SASH1: variants seen among roughly 807,000 people sequenced by gnomAD.
The protein encoded by SASH1 is SAM and SH3 domain containing 1.
Under a neutral mutation model 125.2 loss-of-function variants are expected in SASH1, and 44 were observed. The observed-to-expected ratio is 0.35, with a 90% CI of 0.28 to 0.45. The LOEUF (loss-of-function observed/expected upper bound fraction) is 0.45. Among genes scored for constraint, SASH1 ranks in the 20% least tolerant of loss-of-function variants. The probability of loss-of-function intolerance (pLI) is 1.00; values close to 1 mark genes in which losing one functional copy is unlikely to be tolerated. For synonymous variants in SASH1, 639 were observed against 649.1 expected (o/e 0.98, Z 0.24); for missense variants, 1,426 against 1,614.5 (o/e 0.88, Z 2.00).
At chr6:148,220,648 C>T in the SASH1 span, among the ~76,000 whole-genome samples, 2 of 152,212 alleles carry the variant, frequency 1.3e-5, no homozygotes, top group Admixed American at 6.5e-5. Context: ...GACATGGTGG[C>T]TCATGCCTGT....
chr6:148,470,061 GA>G (rs375176844), intron 5 of SASH1, among the ~76,000 whole-genome samples: 5 of 151,342 alleles, frequency 3.3e-5, no homozygotes, highest in African/African-American at 1.2e-4. Flanking sequence ...AGAAAGAAAA[GA>G]AAAAAGAAAG....
intron 1 of SASH1, among the ~76,000 whole-genome samples, chr6:148,369,675 C>T (rs972893520): frequency 3.9e-5 from 6 of 152,074 alleles, no homozygotes; most frequent in East Asian, 1.9e-4. Context: ...CCAACCTGGC[C>T]GGACGTGGTG....
chr6:148,469,155 A>G (rs1455633947), intron 5 of SASH1: 1 of 152,346 alleles, frequency 6.6e-6, no homozygotes, highest in East Asian at 1.9e-4. Flanking sequence ...GATTAGGAAC[A>G]TTAAGTACTC....
At chr6:148,255,423 T>TGGTA in the SASH1 span, among the ~76,000 whole-genome samples, 117 of 152,304 alleles carry the variant, frequency 7.7e-4, no homozygotes, top group African/African-American at 2.5e-3. Flanking sequence ...TTAGCCTTAA[T>TGGTA]TACCTCCTTA....
the SASH1 span, among the ~76,000 whole-genome samples, chr6:148,199,774 A>G: frequency 2.6e-5 from 4 of 151,054 alleles, no homozygotes; most frequent in African/African-American, 9.7e-5. Context: ...GAAGAAAAAG[A>G]AAGGAAGGAA....
intron 7 of SASH1, among the ~76,000 whole-genome samples, chr6:148,481,278 G>A (rs1362926927): frequency 6.6e-6 from 1 of 152,160 alleles, no homozygotes; most frequent in Non-Finnish European, 1.5e-5. Context: ...TTACGAGAGT[G>A]TTGTGGCTGT....
At chr6:148,319,705 G>C (rs1357704640) in intron 1 of SASH1, among the ~76,000 whole-genome samples, 3 of 151,996 alleles carry the variant, frequency 2.0e-5, no homozygotes, top group Admixed American at 6.6e-5. Context: ...GTAGACACAG[G>C]GTTTCTCCAT....
the SASH1 span, among the ~76,000 whole-genome samples, chr6:148,261,640 G>A: frequency 2.0e-5 from 3 of 152,122 alleles, no homozygotes; most frequent in South Asian, 4.1e-4. Flanking sequence ...GCCACCAGGG[G>A]ACTGCTGCCA....
intron 8 of SASH1, among the ~76,000 whole-genome samples, chr6:148,508,075 T>C (rs538209392): frequency 1.3e-5 from 2 of 152,336 alleles, no homozygotes; most frequent in East Asian, 3.9e-4. Flanking sequence ...GTTTCTAGAA[T>C]GCAGGAGAAC....
chr6:148,252,734 C>T, the SASH1 span, among the ~76,000 whole-genome samples: 5 of 152,148 alleles, frequency 3.3e-5, no homozygotes, highest in Admixed American at 1.3e-4. Context: ...CCGCCTCGGC[C>T]GCCCAAAGTG....
chr6:148,235,380 T>C, the SASH1 span, among the ~76,000 whole-genome samples: 1 of 152,326 alleles, frequency 6.6e-6, no homozygotes, highest in African/African-American at 2.4e-5. Context: ...AAAAAGATAT[T>C]TTCTGTTACT....
At chr6:148,403,050 G>A (rs1415252928) in intron 2 of SASH1, among the ~76,000 whole-genome samples, 2 of 152,112 alleles carry the variant, frequency 1.3e-5, no homozygotes, top group East Asian at 3.8e-4. Flanking sequence ...AAGTTGAACA[G>A]CTAGTAAGTA....
chr6:148,412,227 CTT>C (rs775585668), intron 2 of SASH1, among the ~76,000 whole-genome samples: 5 of 152,108 alleles, frequency 3.3e-5, no homozygotes, highest in Non-Finnish European at 7.4e-5. Flanking sequence ...TAAGAAATCA[CTT>C]TTATTTTTAT....
chr6:148,206,498 C>T, the SASH1 span, among the ~76,000 whole-genome samples: 1 of 151,438 alleles, frequency 6.6e-6, no homozygotes, highest in Non-Finnish European at 1.5e-5. Context: ...TACATTAATA[C>T]AAATTAACAG....
chr6:148,287,230 G>A (rs1009054223), intron 1 of SASH1, among the ~76,000 whole-genome samples: 1 of 152,218 alleles, frequency 6.6e-6, no homozygotes, highest in African/African-American at 2.4e-5. Flanking sequence ...CAATTATGGG[G>A]TGCTGATGTG....
At chr6:148,431,531 A>G (rs1371175691) in intron 2 of SASH1, among the ~76,000 whole-genome samples, 1 of 152,132 alleles carries the variant, frequency 6.6e-6, no homozygotes, top group African/African-American at 2.4e-5. Flanking sequence ...GGTAAAATCG[A>G]CACATGTTCC....
intron 1 of SASH1, among the ~76,000 whole-genome samples, chr6:148,370,160 G>T (rs917674774): frequency 4.6e-5 from 7 of 152,106 alleles, no homozygotes; most frequent in African/African-American, 1.4e-4. Context: ...CCTTTCGAAT[G>T]TCCCTGTCTA....
chr6:148,340,754 C>G (rs1010288197), upstream of SASH1, among the ~76,000 whole-genome samples: 1 of 152,224 alleles, frequency 6.6e-6, no homozygotes, highest in Non-Finnish European at 1.5e-5. Flanking sequence ...TGTACTGACT[C>G]ATAGTTCAGT....
At position 148,482,688 on chromosome 6, in the gene SASH1, A is replaced by ATTTTTTTTTTTTTTTTTTTT. The variant is rs200708826; in HGVS notation, c.628-4908_628-4907insTTTTTTTTTTTTTTTTTTTT. On this transcript the variant is annotated intron_variant, in intron 7 of 19. Transcript: ENST00000367467. ...AGGCATGTGCCACCACACCTGGCTAATTTTTTTTTTTTTTTTTTGAGAGAG... is the reference window on the plus strand; with the variant it reads ...AGGCATGTGCCACCACACCTGGCTAATTTTTTTTTTTTTTTTTTTTTTTTTTTTTTTTTTTTTTGAGAGAG... Among the ~76,000 whole-genome samples the ATTTTTTTTTTTTTTTTTTTT allele has an allele frequency of 3.0e-5, 3 of 99,924 alleles. 1 individual carries two copies. Among genetic ancestry groups the ATTTTTTTTTTTTTTTTTTTT allele is most frequent in the Non-Finnish European group, 3.8e-5 (2 of 52,018 alleles). The allele number at this position is 99,924 out of a possible 152,430, so 65.6% of individuals were successfully genotyped here.
Sources: gnomAD v4.1 joint callset for allele counts (sites outside exome capture counted in the v4.1 genomes callset) on GRCh38, gnomAD v4.1.1 for gene constraint, MANE v1.5 for transcripts, NCBI Gene and HGNC (gene_info 2026-07-23, HGNC 2026-07-21) for gene names.